The following WDR70 variants were observed in gnomAD, a reference collection of about 807,000 sequenced individuals.
WDR70 encodes WD repeat domain 70.
WDR70 carries 53 observed loss-of-function variants against 88.6 expected under a neutral mutation model. The ratio of observed to expected loss-of-function variants is 0.60; its 90% CI spans 0.48 to 0.75. WDR70 has a LOEUF of 0.75. WDR70 is among the 30% of genes least tolerant of loss of function. WDR70 has a pLI of 0.00. For missense variants in WDR70, 610 were observed against 823.2 expected (o/e 0.74, Z 3.17); for synonymous variants, 280 against 270.0 (o/e 1.04, Z -0.36).
intron 9 of WDR70, among the ~76,000 whole-genome samples, chr5:37,602,646 G>A (rs1189069684): frequency 6.7e-6 from 1 of 149,880 alleles, no homozygotes; most frequent in Non-Finnish European, 1.5e-5. Flanking sequence ...AAAAAAAAAA[G>A]GAAAGAAAAC....
chr5:37,506,611 A>T, intron 8 of WDR70: 1 of 776,928 alleles, frequency 1.3e-6, no homozygotes, highest in Non-Finnish European at 2.4e-6. Context: ...AATCCTAACA[A>T]TCCTTCAGGA....
intron 8 of WDR70, among the ~76,000 whole-genome samples, chr5:37,492,833 C>G (rs1740105503): frequency 6.6e-6 from 1 of 152,118 alleles, no homozygotes; most frequent in East Asian, 1.9e-4. Context: ...ATCAAGATGA[C>G]AAAGGATGCT....
At chr5:37,534,182 G>A (rs904569355) in intron 9 of WDR70, among the ~76,000 whole-genome samples, 9 of 152,134 alleles carry the variant, frequency 5.9e-5, no homozygotes, top group African/African-American at 2.2e-4. Flanking sequence ...CACTGTTCAT[G>A]ATGTGAGTCT....
intron 9 of WDR70, among the ~76,000 whole-genome samples, chr5:37,525,196 G>A (rs113143781): frequency 0.019 from 2,952 of 152,168 alleles, 86 homozygotes; most frequent in African/African-American, 0.067. Flanking sequence ...GCACCACATT[G>A]CACTTATTCC....
chr5:37,580,554 A>G (rs1743189184), intron 9 of WDR70, among the ~76,000 whole-genome samples: 1 of 152,196 alleles, frequency 6.6e-6, no homozygotes, highest in African/African-American at 2.4e-5. Context: ...ACCCACCTCA[A>G]AGGAATAGCA....
At chr5:37,467,765 G>A (rs918038640) in intron 7 of WDR70, among the ~76,000 whole-genome samples, 5 of 151,340 alleles carry the variant, frequency 3.3e-5, no homozygotes, top group African/African-American at 1.2e-4. Flanking sequence ...CTCCCAGGCC[G>A]GACTGCAGTG....
chr5:37,684,087 A>G (rs764547603), intron 10 of WDR70, among the ~76,000 whole-genome samples: 2 of 152,004 alleles, frequency 1.3e-5, no homozygotes, highest in African/African-American at 2.4e-5. Context: ...TATTTCAGAA[A>G]GCCAGTCTTC....
At chr5:37,402,749 C>G (rs1000253698) in intron 5 of WDR70, among the ~76,000 whole-genome samples, 6 of 151,978 alleles carry the variant, frequency 3.9e-5, no homozygotes, top group Non-Finnish European at 5.9e-5. Context: ...CTTATTCTCT[C>G]TATCTGACCA....
intron 8 of WDR70, among the ~76,000 whole-genome samples, chr5:37,488,316 A>G (rs1012837438): frequency 4.0e-5 from 6 of 151,494 alleles, no homozygotes; most frequent in Non-Finnish European, 5.9e-5. Context: ...GGAATCTGCT[A>G]TCTTCTTGTA....
At chr5:37,501,076 A>G (rs1158991165) in intron 8 of WDR70, among the ~76,000 whole-genome samples, 4 of 151,314 alleles carry the variant, frequency 2.6e-5, no homozygotes, top group African/African-American at 7.3e-5. Context: ...AAGTGTCTTC[A>G]TGTCATTTGT....
At chr5:37,586,233 C>G (rs1743360918) in intron 9 of WDR70, among the ~76,000 whole-genome samples, 1 of 152,010 alleles carries the variant, frequency 6.6e-6, no homozygotes, top group Non-Finnish European at 1.5e-5. Flanking sequence ...CCTGCTTTAT[C>G]TCTCCCTCAT....
At chr5:37,629,764 C>T (rs1182716755) in intron 10 of WDR70, among the ~76,000 whole-genome samples, 1 of 152,024 alleles carries the variant, frequency 6.6e-6, no homozygotes, top group Non-Finnish European at 1.5e-5. Context: ...AATTCTTTTT[C>T]TGGCATTGCA....
chr5:37,466,578 C>A (rs570368022), intron 7 of WDR70, among the ~76,000 whole-genome samples: 1 of 151,528 alleles, frequency 6.6e-6, no homozygotes, highest in Non-Finnish European at 1.5e-5. Context: ...TGGTGGCGGG[C>A]GCCTGTAGTC....
intron 5 of WDR70, among the ~76,000 whole-genome samples, chr5:37,408,888 C>A (rs997374786): frequency 2.6e-5 from 4 of 152,116 alleles, no homozygotes; most frequent in Non-Finnish European, 5.9e-5. Context: ...GGTACTAATG[C>A]AATCTTTAAA....
intron 11 of WDR70, chr5:37,700,417 A>C (rs1467787148): frequency 6.6e-6 from 1 of 152,426 alleles, no homozygotes; most frequent in Admixed American, 6.5e-5. Flanking sequence ...GTCTTAGCAT[A>C]TGTGCTGCCA....
intron 3 of WDR70, among the ~76,000 whole-genome samples, chr5:37,389,420 A>T (rs1748740431): frequency 6.9e-6 from 1 of 145,454 alleles, no homozygotes; most frequent in South Asian, 2.2e-4. Flanking sequence ...TTATTTATTT[A>T]TTTTTTTTGA....
chr5:37,509,594 TATG>T (rs1740657662), intron 8 of WDR70, among the ~76,000 whole-genome samples: 1 of 152,156 alleles, frequency 6.6e-6, no homozygotes, highest in Admixed American at 6.5e-5. Flanking sequence ...TTACTTAGAA[TATG>T]ATTTTAGTGA....
chr5:37,397,805 C>T (rs569116779), intron 5 of WDR70, among the ~76,000 whole-genome samples: 162 of 152,016 alleles, frequency 1.1e-3, no homozygotes, highest in Admixed American at 6.9e-3. Flanking sequence ...CCATCCTGGC[C>T]AACATGGTGA....
intron 8 of WDR70, among the ~76,000 whole-genome samples, chr5:37,514,255 G>A (rs1292208621): frequency 1.4e-5 from 2 of 147,332 alleles, no homozygotes; most frequent in Admixed American, 6.9e-5. Context: ...CGGACCTTAA[G>A]TGATTGTTCT....
Sources: allele counts gnomAD v4.1 joint callset (sites outside exome capture counted in the v4.1 genomes callset), GRCh38; gene constraint gnomAD v4.1.1; transcripts MANE v1.5; gene names NCBI Gene and HGNC (gene_info 2026-07-23, HGNC 2026-07-21).